The following COL4A3 variants were observed in gnomAD, a reference collection of about 807,000 sequenced individuals.
COL4A3 encodes collagen alpha-3(IV) chain.
In COL4A3, 135 loss-of-function variants were observed where a neutral mutation model predicts 217.4. That is an observed-to-expected ratio of 0.62 (90% CI 0.54 to 0.72). The LOEUF (loss-of-function observed/expected upper bound fraction) is 0.72. Among genes scored for constraint, COL4A3 ranks in the 30% least tolerant of loss-of-function variants. The pLI, the probability that COL4A3 is intolerant of heterozygous loss-of-function variation, is 0.00. For synonymous variants in COL4A3, 690 were observed against 736.3 expected (o/e 0.94, Z 1.02); for missense variants, 1,868 against 2,119.9 (o/e 0.88, Z 2.33).
Position 227,282,290 on chromosome 2 carries a change from A to C in COL4A3, c.2489-75A>C. 5.8e-6 allele frequency: 4 copies of C among 686,168 alleles called. No homozygotes were observed. Among genetic ancestry groups the C allele is most frequent in the Non-Finnish European group, 9.2e-6 (4 of 435,752 alleles). The allele number at this position is 686,168 out of a possible 1,614,324, so 42.5% of individuals were successfully genotyped here. A position where few individuals can be genotyped will look rare whatever the true frequency, so the allele number is the denominator to read the frequency against. Reference sequence around the variant, plus strand: ...CCATCTTAAAAATATATATATATATATATATATATATTTCTGAAGTTAGTA... The same window carrying C: ...CCATCTTAAAAATATATATATATATCTATATATATATTTCTGAAGTTAGTA... On this transcript the variant is annotated intron_variant, in intron 31 of 51. Transcript: ENST00000396578. This position sits in a 1 kb window ranked among gnomAD's most constrained non-coding sequence, Gnocchi z 4.4.
chr2:227,246,730 G>A lies in COL4A3; in HGVS notation c.433G>A (p.Gly145Arg), dbSNP rs2069364935. 6.2e-7 allele frequency: 1 copy of A among 1,612,206 alleles called. No individual in the cohort carries two copies. The highest frequency in any genetic ancestry group is 8.5e-7 in the Non-Finnish European group (1 of 1,178,472). ...ACTCCCAGGGACACTGGGCTACCCA[G>A]GGATCCCGGTAGGTTTGCATGCCTA... ...PGLPGTLGYP[G>R]IPGAAGLKGQ... The change falls in exon 7 of 52, where the codon GGG becomes AGG. Residue 145 changes from glycine to arginine, a missense_variant. Coordinates refer to ENST00000396578, the MANE Select transcript of COL4A3 (RefSeq NM_000091.5).
At chr2:227,264,483 C>T (rs558652373) in intron 21 of COL4A3, among the ~76,000 whole-genome samples, 1 of 152,230 alleles carries the variant, frequency 6.6e-6, no homozygotes, top group Admixed American at 6.5e-5. Flanking sequence ...AGGCAACATG[C>T]TATGAGGTAA....
rs149077669 is a variant in COL4A3 at position 227,233,179 on chromosome 2, A to G, written c.88-4789A>G. The stretch of plus-strand genomic sequence containing the variant: ...CAGGCATGCACCACCAAACCCTGCT[A>G]ATTTTTGTATTTTTAGTAGAGACAG... On this transcript the variant is annotated intron_variant, in intron 1 of 51. Transcript: ENST00000396578. Among the ~76,000 whole-genome samples, 1,176 of 152,090 alleles carry G rather than the reference A, an allele frequency of 7.7e-3. 19 individuals are homozygous for G. The highest frequency in any genetic ancestry group is 0.027 in the African/African-American group (1,118 of 41,490).
At chr2:227,256,091 A>G (rs2070149655) in intron 16 of COL4A3, 21 bp downstream of exon 16, 1 of 1,610,914 alleles carries the variant, frequency 6.2e-7, no homozygotes, top group East Asian at 2.2e-5. Flanking sequence ...GATTTGGCCT[A>G]TGGAGGTAGT....
chr2:227,309,265 C>A lies in COL4A3; in HGVS notation c.4702C>A (p.Pro1568Thr). 1 of 1,614,174 alleles carries A rather than the reference C, an allele frequency of 6.2e-7. No individual in the cohort carries two copies. Among genetic ancestry groups the A allele is most frequent in the Non-Finnish European group, 8.5e-7 (1 of 1,180,018 alleles). The change falls in exon 50 of 52, where the codon CCT (proline) becomes ACT (threonine). Residue 1568 changes from proline (P) to threonine (T), a missense_variant. Transcript: ENST00000396578. Reference sequence around the variant, plus strand: ...CGTTCACAGCCAAACCACTGACATTCCTCCATGTCCTCACGGCTGGATTTC... The same window carrying A: ...CGTTCACAGCCAAACCACTGACATTACTCCATGTCCTCACGGCTGGATTTC... Reference protein sequence around the residue: ...IAVHSQTTDIPPCPHGWISLW... With the variant: ...IAVHSQTTDITPCPHGWISLW...
chr2:227,202,318 C>T (rs1466931353), intron 1 of COL4A3, among the ~76,000 whole-genome samples: 2 of 152,122 alleles, frequency 1.3e-5, no homozygotes, highest in African/African-American at 2.4e-5. Context: ...ATTGTTCTTC[C>T]TAACAAATGT....
At chr2:227,183,833 C>T (rs953681000) in intron 1 of COL4A3, among the ~76,000 whole-genome samples, 4 of 152,186 alleles carry the variant, frequency 2.6e-5, no homozygotes, top group African/African-American at 9.7e-5. Context: ...GTCAAGTGCC[C>T]TCTCCCAGGA....
chr2:227,174,856 T>C (rs1394641967), intron 1 of COL4A3, among the ~76,000 whole-genome samples: 2 of 152,156 alleles, frequency 1.3e-5, no homozygotes, highest in African/African-American at 2.4e-5. Context: ...GACGCTAAGA[T>C]AGAAGACATA....
Position 227,306,566 on chromosome 2 carries a change from G to A in COL4A3, c.4253-1144G>A, listed in dbSNP as rs139844397. ...GATTTTTCAAGTAAGACATCAGACC[G>A]GAGAATTTGGATGTGGCCTATTTTT... On this transcript the variant is annotated intron_variant, in intron 47 of 51. Transcript: ENST00000396578. Among the ~76,000 whole-genome samples, 637 of 152,258 alleles carry A rather than the reference G, an allele frequency of 4.2e-3. 3 individuals carry two copies. Among genetic ancestry groups the A allele is most frequent in the African/African-American group, 0.014 (589 of 41,522 alleles).
chr2:227,305,147 C>T (rs1232944919), intron 47 of COL4A3, 64 bp downstream of exon 47: 13 of 1,410,466 alleles, frequency 9.2e-6, no homozygotes, highest in Middle Eastern at 1.8e-4. Context: ...AAGTCTTGTT[C>T]GAGTGGGTGA....
intron 1 of COL4A3, among the ~76,000 whole-genome samples, chr2:227,202,409 G>C (rs2066722654): frequency 6.6e-6 from 1 of 152,042 alleles, no homozygotes; most frequent in Non-Finnish European, 1.5e-5. Context: ...TTTACTAACT[G>C]GAGTGAACTG....
At position 227,249,228 on chromosome 2, in the gene COL4A3, A is replaced by ATT. The variant is rs1437063843; in HGVS notation, c.546+709_546+710insTT. On this transcript the variant is annotated intron_variant, in intron 9 of 51. Coordinates refer to ENST00000396578, the MANE Select transcript of COL4A3 (RefSeq NM_000091.5). Reference sequence around the variant, plus strand: ...AATTAGCTAGTATATATATATATATATATTTTTTTTTTTTTTTTTTTTTTT... The same window carrying ATT: ...AATTAGCTAGTATATATATATATATATTTATTTTTTTTTTTTTTTTTTTTTTT... Among the ~76,000 whole-genome samples the ATT allele has an allele frequency of 5.4e-3, 119 of 22,176 alleles. 4 individuals carry two copies. Among genetic ancestry groups the ATT allele is most frequent in the Middle Eastern group, 0.013 (1 of 78 alleles). 14.5% of individuals were successfully genotyped at this position (22,176 alleles called of 152,430 possible). A position where few individuals can be genotyped will look rare whatever the true frequency, so the allele number is the denominator to read the frequency against.
intron 1 of COL4A3, among the ~76,000 whole-genome samples, chr2:227,220,165 T>TGTGTGTGTGTG (rs58155070): frequency 2.0e-5 from 3 of 147,240 alleles, no homozygotes; most frequent in South Asian, 2.2e-4. Context: ...TGTGTGTGTG[T>TGTGTGTGTGTG]TTCAGAGACA....
In COL4A3 at chr2:227,164,757, G is replaced by A. The variant is rs774004775; in HGVS notation, c.31G>A (p.Val11Met). Residue 11 changes from valine (V) to methionine (M), a missense_variant, in exon 1 of 52, where the codon GTG (valine) becomes ATG (methionine). Val to Met is a conservative substitution (Grantham distance 21, BLOSUM62 1). This residue lies in a region of COL4A3 where 365 missense variants were observed against 333.8 expected (regional missense o/e 1.09). Coordinates refer to ENST00000396578, the MANE Select transcript of COL4A3 (RefSeq NM_000091.5). This position sits in a 1 kb window ranked among gnomAD's most constrained non-coding sequence, Gnocchi z 4.8. Reference protein sequence around the residue: MSARTAPRPQVLLLPLLLVLL... With the variant: MSARTAPRPQMLLLPLLLVLL... The stretch of plus-strand genomic sequence containing the variant: ...CGCCCGGACCGCCCCCAGGCCGCAG[G>A]TGCTCCTGCTGCCGCTCCTGCTGGT... The A allele has an allele frequency of 3.3e-6, 5 of 1,525,466 alleles. No homozygotes were observed. Among genetic ancestry groups the A allele is most frequent in the South Asian group, 2.4e-5 (2 of 83,264 alleles). The allele number at this position is 1,525,466 out of a possible 1,614,324, so 94.5% of individuals were successfully genotyped here. A position where few individuals can be genotyped will look rare whatever the true frequency, so the allele number is the denominator to read the frequency against.
chr2:227,295,692 G>A (rs1247142248), intron 41 of COL4A3, among the ~76,000 whole-genome samples: 2 of 152,088 alleles, frequency 1.3e-5, no homozygotes, highest in Non-Finnish European at 2.9e-5. Context: ...GGAGTAATCC[G>A]AATCCTTTCC....
At chr2:227,232,222 T>C (rs780120873) in intron 1 of COL4A3, among the ~76,000 whole-genome samples, 2 of 152,244 alleles carry the variant, frequency 1.3e-5, no homozygotes, top group Non-Finnish European at 2.9e-5. Flanking sequence ...GATGGACACG[T>C]AGATTGCTTC....
chr2:227,269,852 C>G, intron 23 of COL4A3, 58 bp from the exon 24 acceptor site: 1 of 1,385,096 alleles, frequency 7.2e-7, no homozygotes, highest in Non-Finnish European at 1.0e-6. Context: ...TTGTATTACC[C>G]TGTCTACTTA....
chr2:227,218,310 C>G (rs2067614757), intron 1 of COL4A3, among the ~76,000 whole-genome samples: 1 of 151,470 alleles, frequency 6.6e-6, no homozygotes, highest in Admixed American at 6.6e-5. Context: ...ACTAAAGATA[C>G]AAAAAATTAG....
chr2:227,215,838 T>G (rs938834716), intron 1 of COL4A3, among the ~76,000 whole-genome samples: 1 of 152,192 alleles, frequency 6.6e-6, no homozygotes, highest in Non-Finnish European at 1.5e-5. Flanking sequence ...ATCATAGCCT[T>G]AGCTTTCACT....
Sources: gnomAD v4.1 joint callset for allele counts (sites outside exome capture counted in the v4.1 genomes callset) on GRCh38, gnomAD v4.1.1 for gene constraint, gnomAD v4.1.1 regional missense constraint, Gnocchi (gnomAD v3.1) non-coding constraint, MANE v1.5 for transcripts, NCBI Gene and HGNC (gene_info 2026-07-23, HGNC 2026-07-21) for gene names.